Variants in ANKRD31 observed in about 807,000 individuals in gnomAD.
ANKRD31 encodes ankyrin repeat domain-containing protein 31.
A neutral mutation model predicts 186.0 loss-of-function variants in ANKRD31; 147 were observed. The ratio of observed to expected loss-of-function variants is 0.79; its 90% CI spans 0.69 to 0.91. The LOEUF (loss-of-function observed/expected upper bound fraction) is 0.91, where lower values mean the gene tolerates loss of function less well. Among genes scored for constraint, ANKRD31 ranks in the 40% least tolerant of loss-of-function variants. ANKRD31 has a pLI of 0.00. For missense variants in ANKRD31, 1,986 were observed against 2,148.8 expected, an observed-to-expected ratio of 0.92 and a Z score of 1.50; for synonymous variants, 673 against 736.4, an observed-to-expected ratio of 0.91 and a Z score of 1.39.
At chr5:75,203,763 A>T (rs1755973397) in intron 5 of ANKRD31, among the ~76,000 whole-genome samples, 1 of 152,124 alleles carries the variant, frequency 6.6e-6, no homozygotes, top group South Asian at 2.1e-4. Context: ...CTCTGTCTCA[A>T]ATTGTTCAAT....
At chr5:75,078,874 G>A (rs994887476) in intron 25 of ANKRD31, among the ~76,000 whole-genome samples, 1 of 152,140 alleles carries the variant, frequency 6.6e-6, no homozygotes, top group African/African-American at 2.4e-5. Context: ...AAGGCGAGAG[G>A]CTTGGGAGGA....
intron 8 of ANKRD31, among the ~76,000 whole-genome samples, chr5:75,193,058 T>A (rs1382427054): frequency 4.6e-5 from 7 of 152,106 alleles, no homozygotes; most frequent in Admixed American, 4.6e-4. Flanking sequence ...TCCTGCTCTT[T>A]ACTCCCCAAG....
intron 22 of ANKRD31, among the ~76,000 whole-genome samples, chr5:75,100,822 C>T (rs1381004028): frequency 6.6e-6 from 1 of 152,154 alleles, no homozygotes; most frequent in Admixed American, 6.5e-5. Context: ...TGTGTCTCTG[C>T]ACATCAGATG....
chr5:75,091,227 T>C (rs1427773306), intron 23 of ANKRD31, 34 bp downstream of exon 23: 2 of 1,497,226 alleles, frequency 1.3e-6, no homozygotes, highest in Non-Finnish European at 8.8e-7. Flanking sequence ...TCCATTTGAA[T>C]ATGAAGTTAA....
chr5:75,184,717 G>A (rs1481193042), intron 10 of ANKRD31, among the ~76,000 whole-genome samples: 1 of 152,052 alleles, frequency 6.6e-6, no homozygotes, highest in African/African-American at 2.4e-5. Flanking sequence ...CAAAAGATAA[G>A]TGTTGATGAG....
At position 75,212,112 on chromosome 5, in the gene ANKRD31, T is replaced by G. The variant is rs1463897806; in HGVS notation, c.289-1247A>C. 2.6e-5 allele frequency among the ~76,000 whole-genome samples: 4 copies of G among 152,324 alleles called. No homozygotes were observed. The East Asian group carries it at 5.8e-4, about 22-fold the overall frequency. Reference sequence around the variant, plus strand: ...CTTCTAAGAGTTTTATAGTTTTGGCTCTTCTGTCTTTATCATAACTCCTTT... The same window carrying G: ...CTTCTAAGAGTTTTATAGTTTTGGCGCTTCTGTCTTTATCATAACTCCTTT... On this transcript the variant is annotated intron_variant, in intron 3 of 25. Transcript: ENST00000506364.
At chr5:75,224,148 T>C (rs1289990024) in intron 2 of ANKRD31, among the ~76,000 whole-genome samples, 1 of 53,468 alleles carries the variant, frequency 1.9e-5, no homozygotes, top group African/African-American at 1.2e-4. Flanking sequence ...TATATATATA[T>C]ATATATATAT....
intron 23 of ANKRD31, among the ~76,000 whole-genome samples, chr5:75,088,635 C>A (rs943155269): frequency 6.6e-6 from 1 of 152,154 alleles, no homozygotes; most frequent in Non-Finnish European, 1.5e-5. Context: ...ATGAAAGGAA[C>A]GTGTGCCTCT....
At chr5:75,178,350 C>G (rs1442656845) in intron 10 of ANKRD31, among the ~76,000 whole-genome samples, 2 of 152,090 alleles carry the variant, frequency 1.3e-5, no homozygotes, top group African/African-American at 2.4e-5. Context: ...ACAAGGATAT[C>G]CAGGAATTGA....
intron 20 of ANKRD31, among the ~76,000 whole-genome samples, chr5:75,110,735 C>T (rs1295370546): frequency 2.0e-5 from 3 of 149,736 alleles, no homozygotes; most frequent in Non-Finnish European, 3.0e-5. Flanking sequence ...TAATAAGCAA[C>T]ATGGCAAATG....
At chr5:75,127,160 G>A (rs1332305953) in intron 17 of ANKRD31, among the ~76,000 whole-genome samples, 2 of 149,822 alleles carry the variant, frequency 1.3e-5, no homozygotes, top group Admixed American at 6.7e-5. Context: ...ACTCCAGCCT[G>A]GGTGGCAAAG....
intron 7 of ANKRD31, among the ~76,000 whole-genome samples, chr5:75,195,308 A>C (rs1755389527): frequency 6.6e-6 from 1 of 152,136 alleles, no homozygotes; most frequent in South Asian, 2.1e-4. Flanking sequence ...TTTCCTTCCT[A>C]CATATAAGCA....
intron 22 of ANKRD31, among the ~76,000 whole-genome samples, chr5:75,097,870 A>G (rs1038454609): frequency 6.6e-6 from 1 of 152,120 alleles, no homozygotes; most frequent in Non-Finnish European, 1.5e-5. Flanking sequence ...TCAGTTTTCT[A>G]TATATGGCTA....
At chr5:75,173,729 G>C (rs1753543880) in intron 10 of ANKRD31, among the ~76,000 whole-genome samples, 1 of 152,048 alleles carries the variant, frequency 6.6e-6, no homozygotes, top group Non-Finnish European at 1.5e-5. Flanking sequence ...AATGAAATAA[G>C]AGGAGACAAA....
At chr5:75,069,765 C>T (rs1252152166) in intron 25 of ANKRD31, among the ~76,000 whole-genome samples, 3 of 152,070 alleles carry the variant, frequency 2.0e-5, no homozygotes, top group Non-Finnish European at 4.4e-5. Context: ...AGGCTGGTCT[C>T]CAACTCCTGA....
intron 17 of ANKRD31, among the ~76,000 whole-genome samples, chr5:75,127,279 T>C (rs974002218): frequency 3.9e-5 from 6 of 152,172 alleles, no homozygotes; most frequent in African/African-American, 1.4e-4. Flanking sequence ...AAACTCAGTG[T>C]TCCTAAACTG....
Position 75,118,192 on chromosome 5 carries a change from T to C in ANKRD31, c.3982A>G (p.Arg1328Gly). 2 of 1,528,138 alleles carry C rather than the reference T, an allele frequency of 1.3e-6. No individual in the cohort carries two copies. Among genetic ancestry groups the C allele is most frequent in the Non-Finnish European group, 1.7e-6 (2 of 1,144,248 alleles). 94.7% of individuals were successfully genotyped at this position (1,528,138 alleles called of 1,614,324 possible). ...ADDEKMKELL[R>G]SYGAIETVNR... ...ACAGTCTCAATAGCACCATAAGATCTTAGTAATTCTTTCATTTTTTCATCA... is the reference window on the plus strand; with the variant it reads ...ACAGTCTCAATAGCACCATAAGATCCTAGTAATTCTTTCATTTTTTCATCA... The change falls in exon 18 of 26, where the codon AGA (arginine) becomes GGA (glycine). Residue 1328 changes from arginine to glycine, a missense_variant. Arg to Gly is a moderately radical substitution (Grantham distance 125). Coordinates refer to ENST00000506364, the MANE Select transcript of ANKRD31 (RefSeq NM_001372053.1).
intron 17 of ANKRD31, among the ~76,000 whole-genome samples, chr5:75,119,269 G>T (rs143068267): frequency 6.6e-6 from 1 of 152,014 alleles, no homozygotes; most frequent in Non-Finnish European, 1.5e-5. Flanking sequence ...CCCCTACCTC[G>T]TAGTCTCAGT....
At chr5:75,138,552 G>A (rs1217834623) in intron 16 of ANKRD31, among the ~76,000 whole-genome samples, 1 of 152,158 alleles carries the variant, frequency 6.6e-6, no homozygotes. Flanking sequence ...TCTCATCAAA[G>A]TTACAGGATA....
Sources: allele counts gnomAD v4.1 joint callset (sites outside exome capture counted in the v4.1 genomes callset), GRCh38; gene constraint gnomAD v4.1.1; transcripts MANE v1.5; gene names NCBI Gene and HGNC (gene_info 2026-07-23, HGNC 2026-07-21).